The following PRIMA1 variants were observed in gnomAD, a reference collection of about 807,000 sequenced individuals.
PRIMA1 encodes the protein proline rich membrane anchor 1.
A neutral mutation model predicts 17.5 loss-of-function variants in PRIMA1; 7 were observed. That is an observed-to-expected ratio of 0.40 (90% CI 0.23 to 0.75). PRIMA1 has a LOEUF of 0.75. Ranked by LOEUF, PRIMA1 falls within the 30% of genes least tolerant of loss-of-function variation. The probability of loss-of-function intolerance (pLI) is 0.37; values close to 1 mark genes in which losing one functional copy is unlikely to be tolerated. For missense variants in PRIMA1, 200 were observed against 201.8 expected (o/e 0.99, Z 0.05); for synonymous variants, 97 against 77.9 (o/e 1.25, Z -1.29).
intron 3 of PRIMA1, among the ~76,000 whole-genome samples, chr14:93,751,276 C>A (rs533910553): frequency 6.6e-6 from 1 of 152,222 alleles, no homozygotes; most frequent in East Asian, 1.9e-4. Context: ...CAGTAACTGA[C>A]AGGTGCTAAG....
chr14:93,767,282 G>A (rs1012772449), intron 3 of PRIMA1, among the ~76,000 whole-genome samples: 3 of 152,238 alleles, frequency 2.0e-5, no homozygotes, highest in African/African-American at 7.2e-5. Flanking sequence ...TACTGAGTAA[G>A]TGGTGGGCTG....
chr14:93,766,129 C>G (rs558169702), intron 3 of PRIMA1, among the ~76,000 whole-genome samples: 5 of 152,220 alleles, frequency 3.3e-5, no homozygotes, highest in African/African-American at 1.2e-4. Flanking sequence ...TTTTAAAGAC[C>G]AGTTTTTCAG....
At chr14:93,744,803 T>C (rs1344912131) in intron 3 of PRIMA1, among the ~76,000 whole-genome samples, 1 of 152,138 alleles carries the variant, frequency 6.6e-6, no homozygotes, top group African/African-American at 2.4e-5. Context: ...TGGCTGCCCA[T>C]AACCACAGGT....
intron 2 of PRIMA1, among the ~76,000 whole-genome samples, chr14:93,782,738 C>A (rs142197598): frequency 6.6e-6 from 1 of 152,190 alleles, no homozygotes; most frequent in South Asian, 2.1e-4. Context: ...ATGTCTGGTC[C>A]GTCCTTATGC....
At chr14:93,737,140 C>T in intron 4 of PRIMA1, 101 bp downstream of exon 4, 1 of 1,212,326 alleles carries the variant, frequency 8.2e-7, no homozygotes, top group East Asian at 2.5e-5. Context: ...TGCTTAACAA[C>T]TTTTATAATT....
intron 4 of PRIMA1, among the ~76,000 whole-genome samples, chr14:93,736,089 A>G (rs2076148441): frequency 6.6e-6 from 1 of 152,144 alleles, no homozygotes; most frequent in Admixed American, 6.5e-5. Context: ...AGAAGCACAG[A>G]CGGACCTCAC....
Position 93,738,077 on chromosome 14 carries a change from G to A in PRIMA1, c.230-707C>T, listed in dbSNP as rs370019736. 1.5e-4 allele frequency among the ~76,000 whole-genome samples: 23 copies of A among 152,300 alleles called. 2 individuals carry two copies. Among genetic ancestry groups the A allele is most frequent in the African/African-American group, 5.5e-4 (23 of 41,564 alleles). ...TTCTCCCTTCTTGGATTCAGCCCGT[G>A]GGGTGGGTATTTGCCGCTGTCTCAG... On this transcript the variant is annotated intron_variant, in intron 3 of 4. Coordinates refer to ENST00000393140, the MANE Select transcript of PRIMA1 (RefSeq NM_178013.4).
intron 4 of PRIMA1, among the ~76,000 whole-genome samples, chr14:93,736,546 G>A (rs1048045282): frequency 3.9e-5 from 6 of 152,248 alleles, no homozygotes; most frequent in South Asian, 2.1e-4. Flanking sequence ...GACATGGCCT[G>A]TCCTGCATGG....
At chr14:93,745,408 G>A (rs751144713) in intron 3 of PRIMA1, among the ~76,000 whole-genome samples, 2 of 152,224 alleles carry the variant, frequency 1.3e-5, no homozygotes, top group African/African-American at 2.4e-5. Context: ...ACTGCTGTAC[G>A]AGTGGCCCTG....
At position 93,764,137 on chromosome 14, in the gene PRIMA1, C is replaced by T. The variant is rs560104953; in HGVS notation, c.229+15039G>A. Among the ~76,000 whole-genome samples the T allele has an allele frequency of 1.4e-3, 217 of 152,134 alleles. 1 individual carries two copies. Among genetic ancestry groups the T allele is most frequent in the African/African-American group, 5.1e-3 (212 of 41,508 alleles). On this transcript the variant is annotated intron_variant, in intron 3 of 4. Transcript: ENST00000393140. ...GCACTGCCTGGCCCAAGCTGCCGTT[C>T]CCTGCTTGGAGACTAAGTCCAGAAT...
chr14:93,782,769 G>T (rs1015967361), intron 2 of PRIMA1, among the ~76,000 whole-genome samples: 1 of 152,220 alleles, frequency 6.6e-6, no homozygotes, highest in African/African-American at 2.4e-5. Context: ...AGCCCCCACT[G>T]CAGTGTCCTG....
At chr14:93,773,846 C>T (rs1885135647) in intron 3 of PRIMA1, among the ~76,000 whole-genome samples, 3 of 152,214 alleles carry the variant, frequency 2.0e-5, no homozygotes, top group Non-Finnish European at 4.4e-5. Context: ...GTAATCCCAG[C>T]ACTTTGGGAG....
In PRIMA1 at chr14:93,755,398, A is replaced by C. The variant is rs532738871; in HGVS notation, c.230-18028T>G. On this transcript the variant is annotated intron_variant, in intron 3 of 4. Transcript: ENST00000393140. Reference sequence around the variant, plus strand: ...TGGATGTACCACAATTTACCTCACCAGTTCAGGAGAGGCTGTTTTTCAGAT... The same window carrying C: ...TGGATGTACCACAATTTACCTCACCCGTTCAGGAGAGGCTGTTTTTCAGAT... 6.1e-4 allele frequency among the ~76,000 whole-genome samples: 93 copies of C among 152,284 alleles called. 1 individual carries two copies. The highest frequency in any genetic ancestry group is 2.2e-3 in the African/African-American group (92 of 41,548).
chr14:93,778,933 C>T (rs1205976088), intron 3 of PRIMA1, among the ~76,000 whole-genome samples: 1 of 152,156 alleles, frequency 6.6e-6, no homozygotes, highest in Non-Finnish European at 1.5e-5. Flanking sequence ...AGTCACTCAT[C>T]AAATGGAGAT....
chr14:93,783,033 A>C (rs1467952255), intron 2 of PRIMA1, among the ~76,000 whole-genome samples: 2 of 151,490 alleles, frequency 1.3e-5, no homozygotes, highest in East Asian at 1.9e-4. Context: ...ACCATCCTAA[A>C]CCCTCCCTCA....
chr14:93,775,107 G>A (rs560761001), intron 3 of PRIMA1, among the ~76,000 whole-genome samples: 1 of 152,338 alleles, frequency 6.6e-6, no homozygotes, highest in East Asian at 1.9e-4. Flanking sequence ...GTTGGACCTA[G>A]AACAGGTGCC....
At chr14:93,744,240 C>T (rs1180886714) in intron 3 of PRIMA1, among the ~76,000 whole-genome samples, 2 of 152,234 alleles carry the variant, frequency 1.3e-5, no homozygotes, top group Non-Finnish European at 2.9e-5. Flanking sequence ...CTTTCCCTGC[C>T]TCAGGGCCCC....
chr14:93,770,006 C>T (rs919017732), intron 3 of PRIMA1, among the ~76,000 whole-genome samples: 15 of 152,286 alleles, frequency 9.8e-5, no homozygotes, highest in African/African-American at 3.4e-4. Context: ...TGGTTTCTTC[C>T]ACGCAGTCAT....
chr14:93,774,863 T>C lies in PRIMA1; in HGVS notation c.229+4313A>G, dbSNP rs1885167028. Among the ~76,000 whole-genome samples, 3 of 152,298 alleles carry C rather than the reference T, an allele frequency of 2.0e-5. 1 individual carries two copies. Among genetic ancestry groups the C allele is most frequent in the Admixed American group, 2.0e-4 (3 of 15,292 alleles). On this transcript the variant is annotated intron_variant, in intron 3 of 4. Transcript: ENST00000393140. ...TTCAGGAACCCTCAACTCAACCCCA[T>C]GGGGTGGGTGTGGCCCATGACCTAT...
Sources: gnomAD v4.1 joint callset for allele counts (sites outside exome capture counted in the v4.1 genomes callset) on GRCh38, gnomAD v4.1.1 for gene constraint, MANE v1.5 for transcripts, NCBI Gene and HGNC (gene_info 2026-07-23, HGNC 2026-07-21) for gene names.